Variants in JAZF1 observed in about 807,000 individuals in gnomAD.
The protein encoded by JAZF1 is juxtaposed with another zinc finger protein 1.
In JAZF1, 8 loss-of-function variants were observed where a neutral mutation model predicts 26.4. That is an observed-to-expected ratio of 0.30 (90% CI 0.18 to 0.55). JAZF1 has a LOEUF of 0.55. Ranked by LOEUF, JAZF1 falls within the 20% of genes least tolerant of loss-of-function variation. The pLI is 0.94. For missense variants in JAZF1, 199 were observed against 322.0 expected (o/e 0.62, Z 2.92); for synonymous variants, 126 against 122.3 (o/e 1.03, Z -0.20).
chr7:27,931,935 TA>T (rs1381619611), intron 2 of JAZF1, among the ~76,000 whole-genome samples: 5 of 151,912 alleles, frequency 3.3e-5, no homozygotes, highest in African/African-American at 7.3e-5. Flanking sequence ...AAATAAAAAA[TA>T]AAAAAATTAA....
intron 2 of JAZF1, among the ~76,000 whole-genome samples, chr7:27,923,485 G>A (rs1439786763): frequency 3.3e-5 from 5 of 152,276 alleles, no homozygotes; most frequent in Non-Finnish European, 5.9e-5. Context: ...CCTGGAATCC[G>A]CTGCCAGACT....
intron 1 of JAZF1, among the ~76,000 whole-genome samples, chr7:28,034,115 T>A (rs1783244235): frequency 6.6e-6 from 1 of 152,114 alleles, no homozygotes; most frequent in Admixed American, 6.6e-5. Flanking sequence ...TAAAAAAAAA[T>A]TATCTTTTAT....
intron 3 of JAZF1, among the ~76,000 whole-genome samples, chr7:27,865,215 C>T (rs781603893): frequency 3.3e-5 from 5 of 152,054 alleles, no homozygotes; most frequent in Non-Finnish European, 5.9e-5. Context: ...ACAAAAAATA[C>T]AGAAATTAGC....
intron 1 of JAZF1, among the ~76,000 whole-genome samples, chr7:28,035,313 C>CAAAAA (rs201602870): frequency 0.042 from 1,150 of 27,392 alleles, 191 homozygotes; most frequent in Middle Eastern, 0.059. Context: ...GACTCCATCT[C>CAAAAA]AAAAAAAAAA....
chr7:27,909,562 C>A (rs998121678), intron 2 of JAZF1, among the ~76,000 whole-genome samples: 1 of 152,046 alleles, frequency 6.6e-6, no homozygotes, highest in Non-Finnish European at 1.5e-5. Context: ...ACAAAATTAG[C>A]CGGGCATGGT....
At chr7:27,877,619 T>C (rs1277870640) in intron 3 of JAZF1, among the ~76,000 whole-genome samples, 2 of 152,194 alleles carry the variant, frequency 1.3e-5, no homozygotes, top group African/African-American at 4.8e-5. Context: ...ACAAGTGGCC[T>C]CTGTGCAGGG....
At chr7:27,922,632 T>C (rs971773280) in intron 2 of JAZF1, among the ~76,000 whole-genome samples, 1 of 152,152 alleles carries the variant, frequency 6.6e-6, no homozygotes, top group Non-Finnish European at 1.5e-5. Flanking sequence ...TTTTTCCTAA[T>C]ATTTTCAAGT....
chr7:27,846,912 A>G (rs1403174042), intron 3 of JAZF1, among the ~76,000 whole-genome samples: 1 of 152,016 alleles, frequency 6.6e-6, no homozygotes, highest in Non-Finnish European at 1.5e-5. Context: ...TTGCTATTTC[A>G]TCTTATTGTT....
chr7:27,983,145 T>A (rs1016682890), intron 2 of JAZF1, among the ~76,000 whole-genome samples: 3 of 152,174 alleles, frequency 2.0e-5, no homozygotes, highest in African/African-American at 7.2e-5. Flanking sequence ...AATAACAAAC[T>A]TCTCCGAGCT....
chr7:28,111,343 A>C, intron 1 of JAZF1, among the ~76,000 whole-genome samples: 1 of 152,212 alleles, frequency 6.6e-6, no homozygotes, highest in East Asian at 1.9e-4. Flanking sequence ...ACCACTGAAG[A>C]CATTTCTCTT....
At chr7:28,175,381 A>G (rs1783533537) in intron 1 of JAZF1, among the ~76,000 whole-genome samples, 2 of 152,242 alleles carry the variant, frequency 1.3e-5, no homozygotes, top group Admixed American at 1.3e-4. Flanking sequence ...AGACTCTGAC[A>G]GTAGGATTAC....
chr7:27,987,526 G>A (rs1488322344), intron 2 of JAZF1, among the ~76,000 whole-genome samples: 1 of 152,048 alleles, frequency 6.6e-6, no homozygotes, highest in Non-Finnish European at 1.5e-5. Flanking sequence ...GGAGGTCGGG[G>A]GCAGCCCCTG....
chr7:28,037,603 G>C (rs1783315648), intron 1 of JAZF1, among the ~76,000 whole-genome samples: 1 of 152,148 alleles, frequency 6.6e-6, no homozygotes, highest in Non-Finnish European at 1.5e-5. Context: ...TCGTGTGAAA[G>C]AAAGGGAAGG....
chr7:27,903,770 G>A (rs773784534), intron 2 of JAZF1, among the ~76,000 whole-genome samples: 8 of 152,160 alleles, frequency 5.3e-5, no homozygotes, highest in Non-Finnish European at 8.8e-5. Flanking sequence ...CCAGCTAAGG[G>A]CTGTTCTCTG....
chr7:28,007,992 C>T (rs376535505), intron 1 of JAZF1, among the ~76,000 whole-genome samples: 2 of 152,090 alleles, frequency 1.3e-5, no homozygotes, highest in East Asian at 1.9e-4. Context: ...TCAGAACCCA[C>T]GACAGAAGCT....
chr7:27,835,764 G>A (rs1046170008), intron 4 of JAZF1, among the ~76,000 whole-genome samples: 4 of 152,042 alleles, frequency 2.6e-5, no homozygotes, highest in African/African-American at 9.7e-5. Context: ...GCTCTGAAAA[G>A]ATCCACCAAA....
chr7:28,012,872 C>G (rs1782821112), intron 1 of JAZF1, among the ~76,000 whole-genome samples: 1 of 152,196 alleles, frequency 6.6e-6, no homozygotes, highest in South Asian at 2.1e-4. Flanking sequence ...TTTTATCTTT[C>G]TTTTAGTTTA....
chr7:27,936,494 G>C (rs2128351110), intron 2 of JAZF1, among the ~76,000 whole-genome samples: 1 of 152,130 alleles, frequency 6.6e-6, no homozygotes, highest in East Asian at 1.9e-4. Flanking sequence ...TAAAAATGTG[G>C]CCTTACTGCT....
chr7:28,000,867 C>T (rs531373308), intron 1 of JAZF1, among the ~76,000 whole-genome samples: 88 of 152,060 alleles, frequency 5.8e-4, no homozygotes, highest in African/African-American at 2.0e-3. Flanking sequence ...AATCCACTGG[C>T]CTTGGCCTCC....
Sources: allele counts gnomAD v4.1 joint callset (sites outside exome capture counted in the v4.1 genomes callset), GRCh38; gene constraint gnomAD v4.1.1; transcripts MANE v1.5; gene names NCBI Gene and HGNC (gene_info 2026-07-23, HGNC 2026-07-21).